The following KHDRBS2 variants were observed in gnomAD, a reference collection of about 807,000 sequenced individuals.
KHDRBS2 encodes KH RNA binding domain containing, signal transduction associated 2.
Under a neutral mutation model 44.3 loss-of-function variants are expected in KHDRBS2, and 26 were observed. The ratio of observed to expected loss-of-function variants is 0.59; its 90% CI spans 0.43 to 0.81. The LOEUF (loss-of-function observed/expected upper bound fraction) is 0.81. KHDRBS2 is among the 40% of genes least tolerant of loss of function. The pLI is 0.00. For missense variants in KHDRBS2, 476 were observed against 433.1 expected (o/e 1.10, Z -0.88); for synonymous variants, 194 against 151.1 (o/e 1.28, Z -2.08).
chr6:61,619,539 C>T, the KHDRBS2 span, among the ~76,000 whole-genome samples: 1 of 152,332 alleles, frequency 6.6e-6, no homozygotes, highest in Admixed American at 6.5e-5. Flanking sequence ...ACTGCAACCT[C>T]TGCCTCCCGG....
intron 6 of KHDRBS2, among the ~76,000 whole-genome samples, chr6:61,748,992 C>A (rs1476891669): frequency 2.8e-5 from 4 of 141,950 alleles, no homozygotes; most frequent in Non-Finnish European, 4.6e-5. Flanking sequence ...ATTTCTTTTT[C>A]TTTTCTTTCT....
At chr6:62,201,157 C>G (rs1372418124) in intron 1 of KHDRBS2, among the ~76,000 whole-genome samples, 1 of 151,956 alleles carries the variant, frequency 6.6e-6, no homozygotes, top group Non-Finnish European at 1.5e-5. Context: ...ATGGGTGCAG[C>G]ACACCAACAT....
chr6:61,645,592 T>C, the KHDRBS2 span, among the ~76,000 whole-genome samples: 2 of 152,212 alleles, frequency 1.3e-5, no homozygotes, highest in South Asian at 4.1e-4. Flanking sequence ...TATGGATATT[T>C]CAGGTTAATA....
At chr6:61,652,827 A>G in the KHDRBS2 span, among the ~76,000 whole-genome samples, 1 of 152,094 alleles carries the variant, frequency 6.6e-6, no homozygotes, top group African/African-American at 2.4e-5. Flanking sequence ...TGAAGGAACT[A>G]AACATACCAG....
At chr6:61,833,761 G>A (rs960838314) in intron 6 of KHDRBS2, among the ~76,000 whole-genome samples, 2 of 152,016 alleles carry the variant, frequency 1.3e-5, no homozygotes, top group African/African-American at 4.8e-5. Context: ...ATTCTCTTTT[G>A]TAAAATATAT....
the KHDRBS2 span, among the ~76,000 whole-genome samples, chr6:61,608,262 A>G: frequency 3.6e-3 from 544 of 151,838 alleles, 5 homozygotes; most frequent in Non-Finnish European, 4.0e-3. Context: ...ACACATATAT[A>G]CTCACATACA....
In KHDRBS2 at chr6:62,285,877, C is replaced by A. The variant is rs373943334; in HGVS notation, c.72G>T (p.Ala24=). Residue 24 remains alanine (A), a synonymous_variant, in exon 1 of 9, where the codon GCG becomes GCT. Transcript: ENST00000281156. ...KDSLDPSFVH[A]SRLLAEEIEK... ...TCCTACCTTCTGCCAAAAGGCGCGA[C>A]GCATGCACAAAAGATGGATCCAGGC... 5.0e-5 allele frequency: 80 copies of A among 1,613,018 alleles called. No homozygotes were observed. Among genetic ancestry groups the A allele is most frequent in the East Asian group, 1.1e-4 (5 of 44,768 alleles).
intron 2 of KHDRBS2, among the ~76,000 whole-genome samples, chr6:62,092,780 G>T (rs796596941): frequency 2.6e-5 from 4 of 152,158 alleles, no homozygotes; most frequent in African/African-American, 7.2e-5. Flanking sequence ...TTTCATTACA[G>T]AAAAAGAAAT....
Position 62,104,582 on chromosome 6 carries a change from AATGTATTCT to A in KHDRBS2, c.220-56597_220-56589del, listed in dbSNP as rs532063667. ...AAAACATAATCAAAAGAGAAATAAA[AATGTATTCT>A]AAACTGAAGGAAAATCAAAACTCAA... On this transcript the variant is annotated intron_variant, in intron 2 of 8. Coordinates refer to ENST00000281156, the MANE Select transcript of KHDRBS2 (RefSeq NM_152688.4). 2.5e-3 allele frequency among the ~76,000 whole-genome samples: 378 copies of A among 152,318 alleles called. 3 individuals carry two copies. Among genetic ancestry groups the A allele is most frequent in the African/African-American group, 8.3e-3 (346 of 41,584 alleles).
chr6:61,791,366 T>A (rs1323851757), intron 6 of KHDRBS2, among the ~76,000 whole-genome samples: 1 of 151,482 alleles, frequency 6.6e-6, no homozygotes, highest in Non-Finnish European at 1.5e-5. Context: ...TTTACTAATA[T>A]GTGCTAAGTT....
At chr6:61,973,946 T>C (rs1771958252) in intron 4 of KHDRBS2, among the ~76,000 whole-genome samples, 1 of 152,190 alleles carries the variant, frequency 6.6e-6, no homozygotes, top group Non-Finnish European at 1.5e-5. Flanking sequence ...GCAATCTATT[T>C]GTTATCCATG....
the KHDRBS2 span, among the ~76,000 whole-genome samples, chr6:61,565,138 C>T: frequency 1.3e-5 from 2 of 151,996 alleles, no homozygotes; most frequent in Non-Finnish European, 2.9e-5. Context: ...AAACTAGACC[C>T]CTATGTCTCA....
the KHDRBS2 span, among the ~76,000 whole-genome samples, chr6:61,549,223 TA>T: frequency 6.6e-6 from 1 of 152,028 alleles, no homozygotes; most frequent in African/African-American, 2.4e-5. Context: ...AATACAAAAA[TA>T]ACAAATGGAT....
intron 7 of KHDRBS2, among the ~76,000 whole-genome samples, chr6:61,698,522 C>T (rs1768179857): frequency 6.6e-6 from 1 of 152,046 alleles, no homozygotes; most frequent in Admixed American, 6.6e-5. Context: ...GGTTTCTAGG[C>T]CCTGATTGCT....
intron 6 of KHDRBS2, among the ~76,000 whole-genome samples, chr6:61,750,125 C>T (rs935062368): frequency 3.9e-5 from 6 of 151,958 alleles, no homozygotes; most frequent in African/African-American, 1.4e-4. Context: ...GCCACAGCAC[C>T]AACAAGATAA....
intron 1 of KHDRBS2, among the ~76,000 whole-genome samples, chr6:62,234,937 T>C (rs558875325): frequency 5.3e-5 from 8 of 152,112 alleles, no homozygotes; most frequent in South Asian, 2.1e-4. Context: ...ATAAAAATTA[T>C]AATATTTAAA....
chr6:61,955,416 A>G (rs1315143626), intron 4 of KHDRBS2, among the ~76,000 whole-genome samples: 1 of 146,168 alleles, frequency 6.8e-6, no homozygotes, highest in Non-Finnish European at 1.5e-5. Flanking sequence ...ATACGTGTAT[A>G]TATACACATA....
At chr6:62,175,406 T>C (rs2150122027) in intron 2 of KHDRBS2, among the ~76,000 whole-genome samples, 1 of 151,696 alleles carries the variant, frequency 6.6e-6, no homozygotes, top group East Asian at 1.9e-4. Context: ...GAAAAAGTAA[T>C]GCAAATATGT....
chr6:62,164,326 T>C (rs868456962), intron 2 of KHDRBS2, among the ~76,000 whole-genome samples: 6 of 151,948 alleles, frequency 3.9e-5, no homozygotes, highest in Admixed American at 6.6e-5. Flanking sequence ...TATAAGGTAT[T>C]CGGCATATAG....
Sources: gnomAD v4.1 joint callset for allele counts (sites outside exome capture counted in the v4.1 genomes callset) on GRCh38, gnomAD v4.1.1 for gene constraint, MANE v1.5 for transcripts, NCBI Gene and HGNC (gene_info 2026-07-23, HGNC 2026-07-21) for gene names.